ELN: variants seen among roughly 807,000 people sequenced by gnomAD.
ELN encodes tropoelastin.
In ELN, 65 loss-of-function variants were observed where a neutral mutation model predicts 105.8. The ratio of observed to expected loss-of-function variants is 0.61; its 90% confidence interval spans 0.50 to 0.75. The LOEUF is 0.75. Among genes scored for constraint, ELN ranks in the 30% least tolerant of loss-of-function variants. The pLI is 0.00. For missense variants in ELN, 882 were observed against 969.4 expected (o/e 0.91, Z 1.20); for synonymous variants, 368 against 389.2 (o/e 0.95, Z 0.64).
intron 1 of ELN, among the ~76,000 whole-genome samples, chr7:74,032,411 G>A (rs1788907444): frequency 1.7e-5 from 1 of 57,748 alleles, no homozygotes; most frequent in African/African-American, 7.8e-5. Flanking sequence ...AAGGAGTGGA[G>A]GGAGAAGTGA....
intron 19 of ELN, 48 bp from the exon 20 acceptor site, chr7:74,056,223 G>A: frequency 1.2e-6 from 2 of 1,613,334 alleles, no homozygotes; most frequent in South Asian, 1.1e-5. Context: ...AGCCCGCCCA[G>A]CCTCTCTCAC....
At chr7:74,031,677 G>A (rs1001379725) in intron 1 of ELN, among the ~76,000 whole-genome samples, 2 of 152,088 alleles carry the variant, frequency 1.3e-5, no homozygotes, top group Non-Finnish European at 2.9e-5. Context: ...AGCACTTTGG[G>A]AGGCCCACAT....
At chr7:74,050,497 C>A (rs573371673) in intron 15 of ELN, among the ~76,000 whole-genome samples, 70 of 151,918 alleles carry the variant, frequency 4.6e-4, no homozygotes, top group African/African-American at 1.4e-3. Flanking sequence ...TTCCGTGCAT[C>A]CCTCCATCCA....
rs563430604 is a variant in ELN at position 74,044,487 on chromosome 7, G to A, written c.469+567G>A. On this transcript the variant is annotated intron_variant, in intron 9 of 32. Coordinates refer to ENST00000252034, the MANE Select transcript of ELN (RefSeq NM_000501.4). ...CAGGCACAGACCATCATCACAGCCC[G>A]AGGCGGGCCCCCGAGGACAGATCCC... Among the ~76,000 whole-genome samples, 234 of 152,208 alleles carry A rather than the reference G, an allele frequency of 1.5e-3. 2 individuals are homozygous for A. The highest frequency in any genetic ancestry group is 2.6e-3 in the Non-Finnish European group (175 of 68,012).
intron 18 of ELN, 80 bp downstream of exon 18, chr7:74,053,389 A>C: frequency 6.4e-7 from 1 of 1,559,064 alleles, no homozygotes; most frequent in Non-Finnish European, 8.7e-7. Flanking sequence ...ACTATTGCCA[A>C]AATTTTTGCA....
At position 74,053,169 on chromosome 7, in the gene ELN, C is replaced by T. The variant is rs1794471570; in HGVS notation, c.956C>T (p.Ala319Val). The change falls in exon 18 of 33, where the codon GCT becomes GTT. Residue 319 changes from alanine (A) to valine (V), a missense_variant. By Grantham distance (64) the Ala-to-Val change is moderately conservative (BLOSUM62 0). Coordinates refer to ENST00000252034, the MANE Select transcript of ELN (RefSeq NM_000501.4). ...AAAKAAKYGA[A>V]AGLVPGGPGF... Reference sequence around the variant, plus strand: ...AATGCTTTTTCTTCCACAGGAGCTGCTGCAGGCTTAGTGCCTGGTGGGCCA... The same window carrying T: ...AATGCTTTTTCTTCCACAGGAGCTGTTGCAGGCTTAGTGCCTGGTGGGCCA... The T allele has an allele frequency of 7.4e-6, 12 of 1,614,220 alleles. No individual in the cohort carries two copies. Among genetic ancestry groups the T allele is most frequent in the Non-Finnish European group, 1.0e-5 (12 of 1,180,032 alleles).
chr7:74,055,671 G>T (rs551630072), intron 19 of ELN, among the ~76,000 whole-genome samples: 14 of 152,080 alleles, frequency 9.2e-5, no homozygotes, highest in Middle Eastern at 6.8e-3. Context: ...GTAGAGACAG[G>T]GTTTTGCCTT....
intron 22 of ELN, 97 bp downstream of exon 22, chr7:74,057,793 C>CCCCA: frequency 7.1e-7 from 1 of 1,416,152 alleles, no homozygotes; most frequent in African/African-American, 1.4e-5. Flanking sequence ...TTCCTTTCCA[C>CCCCA]CCCACTTAAG....
intron 1 of ELN, among the ~76,000 whole-genome samples, chr7:74,030,612 T>C (rs1788461347): frequency 6.6e-6 from 1 of 152,128 alleles, no homozygotes; most frequent in Non-Finnish European, 1.5e-5. Flanking sequence ...TTGTCCAGGC[T>C]GGTCTGAATT....
intron 1 of ELN, among the ~76,000 whole-genome samples, chr7:74,033,749 C>T (rs983534240): frequency 4.4e-4 from 67 of 152,308 alleles, no homozygotes; most frequent in African/African-American, 1.5e-3. Flanking sequence ...GACGTCTGGC[C>T]GCGAGGCCTC....
At chr7:74,052,261 C>A in intron 17 of ELN, 1 of 518,950 alleles carries the variant, frequency 1.9e-6, no homozygotes, top group South Asian at 2.1e-5. Context: ...GCTGCATCAA[C>A]TAAATGGGTG....
chr7:74,056,602 C>G (rs1314286892), intron 20 of ELN, 70 bp from the exon 21 acceptor site: 1 of 1,612,054 alleles, frequency 6.2e-7, no homozygotes. Context: ...GGCAGAAGAG[C>G]TTTAAACACG....
At chr7:74,062,788 T>C (rs1171537360) in intron 26 of ELN, among the ~76,000 whole-genome samples, 1 of 152,178 alleles carries the variant, frequency 6.6e-6, no homozygotes, top group Non-Finnish European at 1.5e-5. Context: ...TGACCTCAGG[T>C]GATCCACTAG....
At chr7:74,030,741 G>A (rs1788486844) in intron 1 of ELN, among the ~76,000 whole-genome samples, 1 of 151,898 alleles carries the variant, frequency 6.6e-6, no homozygotes, top group South Asian at 2.1e-4. Context: ...AGTAGGAACA[G>A]GGGTTTTCAA....
At chr7:74,066,571 AAAT>A (rs1554689409) in intron 31 of ELN, among the ~76,000 whole-genome samples, 158 bp from the exon 32 acceptor site, 1 of 152,102 alleles carries the variant, frequency 6.6e-6, no homozygotes, top group African/African-American at 2.4e-5. Flanking sequence ...CATCTCAAAA[AAAT>A]AATAATAAAA....
chr7:74,066,111 T>G (rs1171777811), intron 31 of ELN, 114 bp downstream of exon 31: 6 of 1,491,242 alleles, frequency 4.0e-6, no homozygotes, highest in Non-Finnish European at 4.6e-6. Flanking sequence ...GACAGGAGAC[T>G]GGGGCTGGTG....
Position 74,067,933 on chromosome 7 carries a change from C to CAAAAA in ELN, c.2132-701_2132-697dup, listed in dbSNP as rs782107951. ...ATGACAGGGCAAGACGATTGCGTCT[C>CAAAAA]AAAAAAAAAAAAAAAAAAAAAAAAA... On this transcript the variant is annotated intron_variant, in intron 32 of 32. Coordinates refer to ENST00000252034, the MANE Select transcript of ELN (RefSeq NM_000501.4). Among the ~76,000 whole-genome samples the CAAAAA allele has an allele frequency of 1.9e-3, 37 of 19,896 alleles. 2 individuals are homozygous for CAAAAA. Among genetic ancestry groups the CAAAAA allele is most frequent in the African/African-American group, 4.2e-3 (32 of 7,654 alleles). The allele number at this position is 19,896 out of a possible 152,430, so 13.1% of individuals were successfully genotyped here. A position where few individuals can be genotyped will look rare whatever the true frequency, so the allele number is the denominator to read the frequency against.
In ELN at chr7:74,063,840, C is replaced by T. The variant is rs1314571581; in HGVS notation, c.1993+145C>T. 1.2e-5 allele frequency: 14 copies of T among 1,131,904 alleles called. No homozygotes were observed. The highest frequency in any genetic ancestry group is 7.7e-5 in the African/African-American group (5 of 65,266). The allele number at this position is 1,131,904 out of a possible 1,614,324, so 70.1% of individuals were successfully genotyped here. A position where few individuals can be genotyped will look rare whatever the true frequency, so the allele number is the denominator to read the frequency against. On this transcript the variant is annotated intron_variant, in intron 29 of 32. Transcript: ENST00000252034. This position sits in a 1 kb window ranked among gnomAD's most constrained non-coding sequence, Gnocchi z 4.1. Reference sequence around the variant, plus strand: ...CCTCTTGGCCAGGTGCGGTGGCTCACGCCTGCAATCCCAGCACTCTAGTAG... The same window carrying T: ...CCTCTTGGCCAGGTGCGGTGGCTCATGCCTGCAATCCCAGCACTCTAGTAG...
Position 74,068,713 on chromosome 7 carries a change from C to CCCTG in ELN, c.*14_*17dup, listed in dbSNP as rs782792718. On this transcript the variant is annotated 3_prime_UTR_variant, in exon 33 of 33. Transcript: ENST00000252034. ...GAAGAGAAAATGAGCTTCCTAGGACCCCTGACTCACGACCTCATCAACGTT... is the reference window on the plus strand; with the variant it reads ...GAAGAGAAAATGAGCTTCCTAGGACCCCTGCCTGACTCACGACCTCATCAACGTT... 6.2e-7 allele frequency: 1 copy of CCCTG among 1,613,934 alleles called. No individual in the cohort carries two copies. Among genetic ancestry groups the CCCTG allele is most frequent in the Non-Finnish European group, 8.5e-7 (1 of 1,179,942 alleles).
Sources: allele counts gnomAD v4.1 joint callset (sites outside exome capture counted in the v4.1 genomes callset), GRCh38; gene constraint gnomAD v4.1.1; non-coding constraint Gnocchi (gnomAD v3.1); transcripts MANE v1.5; gene names NCBI Gene and HGNC (gene_info 2026-07-23, HGNC 2026-07-21).